Variants in SEMA6A observed in about 807,000 individuals in gnomAD.
SEMA6A encodes semaphorin 6A.
Under a neutral mutation model 96.8 loss-of-function variants are expected in SEMA6A, and 25 were observed. That is an observed-to-expected ratio of 0.26 (90% confidence interval 0.19 to 0.36). The LOEUF (loss-of-function observed/expected upper bound fraction) is 0.36, where lower values mean the gene tolerates loss of function less well. SEMA6A is among the 10% of genes least tolerant of loss of function. SEMA6A has a pLI of 1.00. For synonymous variants in SEMA6A, 612 were observed against 518.0 expected, an observed-to-expected ratio of 1.18 and a Z score of -2.46; for missense variants, 1,363 against 1,323.1, an observed-to-expected ratio of 1.03 and a Z score of -0.47.
At chr5:116,503,446 T>A (rs575953130) in intron 2 of SEMA6A, among the ~76,000 whole-genome samples, 1 of 152,212 alleles carries the variant, frequency 6.6e-6, no homozygotes, top group East Asian at 1.9e-4. Context: ...AACTCAAATG[T>A]CTCTACGATC....
chr5:116,537,229 A>T (rs1158920554), intron 1 of SEMA6A, among the ~76,000 whole-genome samples: 1 of 152,238 alleles, frequency 6.6e-6, no homozygotes, highest in African/African-American at 2.4e-5. Flanking sequence ...CAGTAAAAGA[A>T]AATACAATCA....
At chr5:116,508,041 A>G (rs1238730718) in intron 1 of SEMA6A, 2 of 152,060 alleles carry the variant, frequency 1.3e-5, no homozygotes, top group Admixed American at 6.6e-5. Context: ...ATTTTTCCCT[A>G]CAGTTTTTAA....
chr5:116,495,657 A>T, intron 5 of SEMA6A, 143 bp from the exon 6 acceptor site: 1 of 598,802 alleles, frequency 1.7e-6, no homozygotes, highest in African/African-American at 1.9e-5. Context: ...GTTCTTCCTG[A>T]TGTTAACCAC....
intron 10 of SEMA6A, among the ~76,000 whole-genome samples, chr5:116,483,456 G>C (rs1405006637): frequency 6.6e-6 from 1 of 152,132 alleles, no homozygotes; most frequent in Non-Finnish European, 1.5e-5. Context: ...AGAGCGCCCA[G>C]GACAAGAGAC....
chr5:116,566,927 C>T (rs1440761320), intron 1 of SEMA6A, among the ~76,000 whole-genome samples: 1 of 152,168 alleles, frequency 6.6e-6, no homozygotes, highest in Non-Finnish European at 1.5e-5. Flanking sequence ...GCCACAACCT[C>T]CTCAAGGGTT....
chr5:116,503,467 G>C (rs1296793541), intron 2 of SEMA6A, among the ~76,000 whole-genome samples: 1 of 151,636 alleles, frequency 6.6e-6, no homozygotes. Flanking sequence ...ATGGATTTGA[G>C]TGATCACTGA....
chr5:116,482,028 A>G (rs577559843), intron 11 of SEMA6A, among the ~76,000 whole-genome samples: 1 of 152,258 alleles, frequency 6.6e-6, no homozygotes, highest in South Asian at 2.1e-4. Context: ...GGAAAACACT[A>G]TTTATATTTC....
chr5:116,572,677 C>A (rs1761271831), intron 1 of SEMA6A, among the ~76,000 whole-genome samples: 1 of 152,204 alleles, frequency 6.6e-6, no homozygotes, highest in African/African-American at 2.4e-5. Context: ...CCTCCGGGGT[C>A]CTGCTTCCCC....
chr5:116,539,797 AT>A (rs1310643728), intron 1 of SEMA6A, among the ~76,000 whole-genome samples: 1 of 152,020 alleles, frequency 6.6e-6, no homozygotes, highest in Non-Finnish European at 1.5e-5. Context: ...TTTAATTATT[AT>A]TTTACTTCTG....
chr5:116,496,103 T>A, intron 5 of SEMA6A, 148 bp downstream of exon 5: 1 of 666,174 alleles, frequency 1.5e-6, no homozygotes, highest in Non-Finnish European at 2.6e-6. Flanking sequence ...TTTTGCAAAT[T>A]AAAGCCTTCA....
At chr5:116,567,672 T>C (rs1025471378) in intron 1 of SEMA6A, among the ~76,000 whole-genome samples, 1 of 152,156 alleles carries the variant, frequency 6.6e-6, no homozygotes, top group Non-Finnish European at 1.5e-5. Flanking sequence ...ACGTGCATTG[T>C]CTGTCAAAAA....
At chr5:116,520,532 G>A (rs911481410) in intron 1 of SEMA6A, among the ~76,000 whole-genome samples, 2 of 152,148 alleles carry the variant, frequency 1.3e-5, no homozygotes, top group Non-Finnish European at 2.9e-5. Flanking sequence ...AGGAAAAGGG[G>A]AGATGCAAGG....
intron 7 of SEMA6A, among the ~76,000 whole-genome samples, chr5:116,489,712 T>C (rs1026235594): frequency 4.6e-5 from 7 of 152,352 alleles, no homozygotes; most frequent in African/African-American, 1.7e-4. Flanking sequence ...CAAATAGGTC[T>C]TTCTTTAGTA....
chr5:116,550,582 A>C (rs1415783465), intron 1 of SEMA6A: 1 of 152,188 alleles, frequency 6.6e-6, no homozygotes, highest in Non-Finnish European at 1.5e-5. Context: ...AGGATCTGTC[A>C]GCATGTGCCC....
At chr5:116,461,442 T>A (rs1755390044) in intron 18 of SEMA6A, among the ~76,000 whole-genome samples, 1 of 151,598 alleles carries the variant, frequency 6.6e-6, no homozygotes, top group South Asian at 2.1e-4. Context: ...ATAAAAGGAA[T>A]GCAAATTAGT....
intron 1 of SEMA6A, among the ~76,000 whole-genome samples, chr5:116,567,992 A>C (rs1761079160): frequency 6.6e-6 from 1 of 152,230 alleles, no homozygotes; most frequent in Non-Finnish European, 1.5e-5. Flanking sequence ...TAGGTGTTCT[A>C]ATTAATAAAG....
At chr5:116,496,189 G>A (rs1043175290) in intron 5 of SEMA6A, 62 bp downstream of exon 5, 2 of 1,334,388 alleles carry the variant, frequency 1.5e-6, no homozygotes, top group Non-Finnish European at 2.2e-6. Context: ...GTCTATGGCT[G>A]GAGATAACAG....
intron 16 of SEMA6A, among the ~76,000 whole-genome samples, chr5:116,474,008 T>A (rs1580403623): frequency 6.6e-6 from 1 of 152,146 alleles, no homozygotes; most frequent in Non-Finnish European, 1.5e-5. Context: ...AAGCACAGGG[T>A]TGGGACCTGA....
intron 1 of SEMA6A, among the ~76,000 whole-genome samples, chr5:116,567,137 CTTG>C (rs1761053839): frequency 6.6e-6 from 1 of 152,084 alleles, no homozygotes; most frequent in African/African-American, 2.4e-5. Context: ...TAAGGCTCTG[CTTG>C]TTATTATTAT....
Sources: allele counts gnomAD v4.1 joint callset (sites outside exome capture counted in the v4.1 genomes callset), GRCh38; gene constraint gnomAD v4.1.1; transcripts MANE v1.5; gene names NCBI Gene and HGNC (gene_info 2026-07-23, HGNC 2026-07-21).